CAMK4: variants seen among roughly 807,000 people sequenced by gnomAD.
The protein encoded by CAMK4 is calcium/calmodulin-dependent protein kinase type IV.
Under a neutral mutation model 44.9 loss-of-function variants are expected in CAMK4, and 22 were observed. That is an observed-to-expected ratio of 0.49 (90% confidence interval 0.35 to 0.70). CAMK4 has a LOEUF of 0.70. Ranked by LOEUF, CAMK4 falls within the 30% of genes least tolerant of loss-of-function variation. The pLI is 0.01. For synonymous variants in CAMK4, 218 were observed against 215.4 expected, an observed-to-expected ratio of 1.01 and a Z score of -0.11; for missense variants, 498 against 586.8, an observed-to-expected ratio of 0.85 and a Z score of 1.56.
intron 1 of CAMK4, among the ~76,000 whole-genome samples, chr5:111,280,257 T>C (rs1261214860): frequency 6.6e-6 from 1 of 151,802 alleles, no homozygotes; most frequent in African/African-American, 2.4e-5. Flanking sequence ...GCTATAGTGA[T>C]AACATCTTAC....
intron 7 of CAMK4, among the ~76,000 whole-genome samples, chr5:111,462,278 C>A (rs1003414949): frequency 1.3e-5 from 2 of 152,228 alleles, no homozygotes; most frequent in African/African-American, 4.8e-5. Flanking sequence ...ACCAGGCCAA[C>A]CCCGTACTAA....
chr5:111,369,968 T>C (rs530465513), intron 2 of CAMK4, among the ~76,000 whole-genome samples: 3 of 152,246 alleles, frequency 2.0e-5, no homozygotes, highest in East Asian at 3.9e-4. Context: ...CCCACAGATA[T>C]GGAGGGCTGA....
chr5:111,476,333 G>A (rs1272121493), intron 8 of CAMK4, among the ~76,000 whole-genome samples: 1 of 151,838 alleles, frequency 6.6e-6, no homozygotes, highest in African/African-American at 2.4e-5. Flanking sequence ...AGGCTAGAGT[G>A]CAGTGGCGTG....
In CAMK4 at chr5:111,341,049, A is replaced by G. The variant is rs542642474; in HGVS notation, c.162-2975A>G. Among the ~76,000 whole-genome samples, 62 of 151,020 alleles carry G rather than the reference A, an allele frequency of 4.1e-4. No homozygotes were observed. The Middle Eastern group carries it at 0.01, about 25-fold the overall frequency. Reference sequence around the variant, plus strand: ...AGACCCTTTACATTTCTGTACTATCAGTTGTATGTGTTCCGATATTTTGCC... The same window carrying G: ...AGACCCTTTACATTTCTGTACTATCGGTTGTATGTGTTCCGATATTTTGCC... On this transcript the variant is annotated intron_variant, in intron 1 of 10. Transcript: ENST00000282356.
intron 7 of CAMK4, among the ~76,000 whole-genome samples, chr5:111,462,976 G>T (rs945309589): frequency 2.0e-5 from 3 of 152,152 alleles, no homozygotes; most frequent in African/African-American, 7.2e-5. Context: ...GAATTTTTGT[G>T]TAATTTTTAT....
At chr5:111,352,834 G>T (rs957491493) in intron 2 of CAMK4, among the ~76,000 whole-genome samples, 1 of 152,032 alleles carries the variant, frequency 6.6e-6, no homozygotes, top group Non-Finnish European at 1.5e-5. Flanking sequence ...CAACACCACA[G>T]CATTGAGGAT....
chr5:111,410,426 A>G (rs979459527), intron 5 of CAMK4, among the ~76,000 whole-genome samples: 3 of 152,180 alleles, frequency 2.0e-5, no homozygotes, highest in African/African-American at 7.2e-5. Context: ...CCCCTGACAC[A>G]AGGGGATTAT....
chr5:111,478,261 G>A (rs1290427372), intron 8 of CAMK4, 120 bp from the exon 9 acceptor site: 2 of 553,632 alleles, frequency 3.6e-6, no homozygotes, highest in Non-Finnish European at 6.2e-6. Context: ...CTTAAGCTGA[G>A]TAGACTTGCT....
chr5:111,428,183 G>A (rs1249555051), intron 5 of CAMK4, among the ~76,000 whole-genome samples: 1 of 152,248 alleles, frequency 6.6e-6, no homozygotes, highest in Non-Finnish European at 1.5e-5. Context: ...CTGGGCTTGG[G>A]GTGCCCCCTG....
chr5:111,458,752 C>T (rs1195996840), intron 7 of CAMK4, among the ~76,000 whole-genome samples: 1 of 151,994 alleles, frequency 6.6e-6, no homozygotes, highest in East Asian at 1.9e-4. Flanking sequence ...AGAGAGCAAA[C>T]CACATACATA....
intron 1 of CAMK4, among the ~76,000 whole-genome samples, chr5:111,226,695 CACTG>C (rs1281569299): frequency 1.3e-5 from 2 of 152,204 alleles, no homozygotes; most frequent in African/African-American, 2.4e-5. Flanking sequence ...ATTCAAAAAA[CACTG>C]ACAACAGAGA....
intron 1 of CAMK4, among the ~76,000 whole-genome samples, chr5:111,239,227 A>C (rs1748880772): frequency 6.6e-6 from 1 of 152,022 alleles, no homozygotes; most frequent in Admixed American, 6.6e-5. Flanking sequence ...CCTTATTCTG[A>C]ATATATTCTC....
chr5:111,248,507 A>G (rs10515427), intron 1 of CAMK4, among the ~76,000 whole-genome samples: 10,997 of 130,588 alleles, frequency 0.084, 534 homozygotes, highest in Non-Finnish European at 0.12. Flanking sequence ...AAATCCAGAG[A>G]AAACAAGTCA....
intron 5 of CAMK4, among the ~76,000 whole-genome samples, chr5:111,443,348 C>CTA (rs370002723): frequency 1.6e-5 from 2 of 121,878 alleles, no homozygotes; most frequent in Non-Finnish European, 3.4e-5. Context: ...TATATATATA[C>CTA]TATATATATA....
At chr5:111,384,364 C>G (rs570774802) in intron 4 of CAMK4, among the ~76,000 whole-genome samples, 27 of 152,166 alleles carry the variant, frequency 1.8e-4, no homozygotes, top group Non-Finnish European at 3.7e-4. Context: ...CTCTTGATCT[C>G]TTTCCTGAGT....
chr5:111,376,543 T>G (rs1483442583), intron 3 of CAMK4, among the ~76,000 whole-genome samples: 1 of 152,126 alleles, frequency 6.6e-6, no homozygotes, highest in Non-Finnish European at 1.5e-5. Flanking sequence ...TGTTTTTGTT[T>G]TTGATTTTTG....
chr5:111,397,350 G>A (rs1421028828), intron 5 of CAMK4, among the ~76,000 whole-genome samples: 1 of 152,180 alleles, frequency 6.6e-6, no homozygotes, highest in Non-Finnish European at 1.5e-5. Flanking sequence ...ATAAAATAGG[G>A]AAAAGAGGGT....
Position 111,484,145 on chromosome 5 carries a change from G to C in CAMK4, c.1101G>C (p.Glu367Asp). The change falls in exon 11 of 11, where the codon GAG becomes GAC. Residue 367 changes from glutamate to aspartate, a missense_variant. Coordinates refer to ENST00000282356, the MANE Select transcript of CAMK4 (RefSeq NM_001744.6). The surrounding 1 kb of genome is among the most constrained non-coding windows in gnomAD (Gnocchi z 5.3). ...CTTCTCCAATCCAAGATGGCAACGA[G>C]GACATGAAAGCTATTCCAGAAGGAG... ...RDPSPIQDGN[E>D]DMKAIPEGEK... 2 of 1,614,174 alleles carry C rather than the reference G, an allele frequency of 1.2e-6. No homozygotes were observed. The highest frequency in any genetic ancestry group is 1.3e-5 in the African/African-American group (1 of 75,064).
At chr5:111,250,338 G>C (rs916662873) in intron 1 of CAMK4, among the ~76,000 whole-genome samples, 3 of 152,134 alleles carry the variant, frequency 2.0e-5, no homozygotes, top group Non-Finnish European at 4.4e-5. Flanking sequence ...CTGATTGAAG[G>C]CATGGTGTAC....
Sources: gnomAD v4.1 joint callset for allele counts (sites outside exome capture counted in the v4.1 genomes callset) on GRCh38, gnomAD v4.1.1 for gene constraint, Gnocchi (gnomAD v3.1) non-coding constraint, MANE v1.5 for transcripts, NCBI Gene and HGNC (gene_info 2026-07-23, HGNC 2026-07-21) for gene names.